The following KAZN variants were observed in gnomAD, a reference collection of about 807,000 sequenced individuals.
KAZN encodes kazrin.
Under a neutral mutation model 87.4 loss-of-function variants are expected in KAZN, and 40 were observed. The observed-to-expected ratio is 0.46, with a 90% CI of 0.36 to 0.60. KAZN has a LOEUF of 0.60. Ranked by LOEUF, KAZN falls within the 20% of genes least tolerant of loss-of-function variation. KAZN has a pLI of 0.00. For synonymous variants in KAZN, 466 were observed against 458.3 expected (o/e 1.02, Z -0.22); for missense variants, 898 against 1,073.9 (o/e 0.84, Z 2.29).
chr1:14,997,206 TTTA>T (rs1557699069), intron 2 of KAZN, among the ~76,000 whole-genome samples: 3,435 of 23,832 alleles, frequency 0.14, 133 homozygotes, highest in East Asian at 0.43. Flanking sequence ...CTTTCTTTCA[TTTA>T]TTTATTTATT....
intron 1 of KAZN, among the ~76,000 whole-genome samples, chr1:14,869,978 C>CG (rs977163367): frequency 5.3e-5 from 8 of 152,070 alleles, no homozygotes; most frequent in Non-Finnish European, 1.0e-4. Flanking sequence ...CCAAGGTATC[C>CG]GGGGAAAAAT....
rs982513353 is a variant in KAZN, at chr1:14,267,912, A to G, written c.249+87320A>G. Among the ~76,000 whole-genome samples, 5 of 152,334 alleles carry G rather than the reference A, an allele frequency of 3.3e-5. No homozygotes were observed. The East Asian group carries it at 9.6e-4, about 29-fold the overall frequency. ...GAGGCGGAGTTTGCAGTGAGCTGAG[A>G]TCATGCCACTGCACTTGGGCCTGGG... On this transcript the variant is annotated intron_variant, in intron 2 of 16. Transcript: ENST00000636203.
intron 1 of KAZN, among the ~76,000 whole-genome samples, chr1:13,925,804 A>C (rs1015874038): frequency 1.3e-5 from 2 of 152,228 alleles, no homozygotes; most frequent in African/African-American, 4.8e-5. Context: ...GGTTGGGAAG[A>C]GTGGGTGTGA....
intron 2 of KAZN, among the ~76,000 whole-genome samples, chr1:14,302,132 A>G (rs1388240200): frequency 1.3e-5 from 2 of 152,174 alleles, no homozygotes; most frequent in African/African-American, 2.4e-5. Context: ...ACCAATTTTT[A>G]TTGATAATAT....
chr1:14,449,206 G>A (rs979392851), intron 2 of KAZN, among the ~76,000 whole-genome samples: 1 of 152,166 alleles, frequency 6.6e-6, no homozygotes, highest in African/African-American at 2.4e-5. Context: ...ACCATGCCAT[G>A]AGGACTTAGT....
At chr1:15,063,432 T>C in intron 6 of KAZN, 140 bp from the exon 7 acceptor site, 1 of 709,020 alleles carries the variant, frequency 1.4e-6, no homozygotes, top group Non-Finnish European at 2.5e-6. Flanking sequence ...AGATGGGGGG[T>C]GGGCTCCCCA....
chr1:14,389,141 C>G (rs1423513762), intron 2 of KAZN, among the ~76,000 whole-genome samples: 1 of 152,122 alleles, frequency 6.6e-6, no homozygotes, highest in East Asian at 1.9e-4. Context: ...CAAATCAAAA[C>G]TACAATGAGG....
intron 1 of KAZN, among the ~76,000 whole-genome samples, chr1:14,628,399 T>C (rs1679308054): frequency 6.6e-6 from 1 of 152,230 alleles, no homozygotes; most frequent in African/African-American, 2.4e-5. Context: ...TTTAAAAATT[T>C]AGATAAAGCC....
At chr1:14,729,435 G>A (rs1426004274) in intron 1 of KAZN, among the ~76,000 whole-genome samples, 3 of 152,184 alleles carry the variant, frequency 2.0e-5, no homozygotes, top group Non-Finnish European at 2.9e-5. Flanking sequence ...GGTTCCATTC[G>A]ATGCTTTTAT....
intron 1 of KAZN, among the ~76,000 whole-genome samples, chr1:14,792,338 C>T (rs1056012864): frequency 1.3e-5 from 2 of 152,168 alleles, no homozygotes; most frequent in Non-Finnish European, 1.5e-5. Flanking sequence ...AAATGTCCAA[C>T]AACAGATGTA....
At chr1:14,151,118 A>G (rs888812294) in intron 1 of KAZN, among the ~76,000 whole-genome samples, 2 of 152,228 alleles carry the variant, frequency 1.3e-5, no homozygotes, top group African/African-American at 2.4e-5. Flanking sequence ...TTCACATGCT[A>G]TACCGTCTTC....
intron 2 of KAZN, among the ~76,000 whole-genome samples, chr1:14,573,449 C>A (rs956297148): frequency 6.6e-6 from 1 of 152,122 alleles, no homozygotes; most frequent in African/African-American, 2.4e-5. Flanking sequence ...GAGTTCGAAC[C>A]AGCCTGGCCA....
At position 14,893,525 on chromosome 1, in the gene KAZN, G is replaced by A. The variant is rs368497163; in HGVS notation, c.227-67159G>A. On this transcript the variant is annotated intron_variant, in intron 1 of 14. Transcript: ENST00000376030. ...AAGATGAGTGAGAGGAAGAGCGCTCGCTGAGACCCCCATCTTCCCTTCCTC... is the reference window on the plus strand; with the variant it reads ...AAGATGAGTGAGAGGAAGAGCGCTCACTGAGACCCCCATCTTCCCTTCCTC... Among the ~76,000 whole-genome samples, 10 of 151,588 alleles carry A rather than the reference G, an allele frequency of 6.6e-5. No homozygotes were observed. The East Asian group carries it at 1.4e-3, about 21-fold the overall frequency.
intron 2 of KAZN, among the ~76,000 whole-genome samples, chr1:15,030,524 G>C (rs1428260009): frequency 6.6e-6 from 1 of 152,166 alleles, no homozygotes; most frequent in Non-Finnish European, 1.5e-5. Context: ...GCCTCTCAAA[G>C]TGCTGGGATT....
intron 10 of KAZN, among the ~76,000 whole-genome samples, chr1:15,097,269 C>G (rs776870752): frequency 2.6e-5 from 4 of 152,170 alleles, no homozygotes; most frequent in Non-Finnish European, 5.9e-5. Flanking sequence ...GTGGGACTCT[C>G]TGGCCCACCC....
At chr1:14,090,499 C>T (rs1436005812) in intron 1 of KAZN, among the ~76,000 whole-genome samples, 2 of 151,842 alleles carry the variant, frequency 1.3e-5, no homozygotes, top group Admixed American at 1.3e-4. Context: ...TTATAGCTTC[C>T]ATTTCTCTCC....
intron 2 of KAZN, among the ~76,000 whole-genome samples, chr1:14,368,202 G>A (rs1345942338): frequency 5.9e-5 from 9 of 152,152 alleles, no homozygotes; most frequent in Admixed American, 5.9e-4. Flanking sequence ...GAAAACAGGA[G>A]CAGGGACAAG....
chr1:13,938,026 A>G (rs942432662), intron 1 of KAZN, among the ~76,000 whole-genome samples: 1 of 152,162 alleles, frequency 6.6e-6, no homozygotes, highest in South Asian at 2.1e-4. Context: ...TTTTGGTTCC[A>G]TGTGAATTTC....
In KAZN at chr1:14,909,968, G is replaced by A. The variant is rs1174704416; in HGVS notation, c.227-50716G>A. Among the ~76,000 whole-genome samples, 4 of 152,240 alleles carry A rather than the reference G, an allele frequency of 2.6e-5. 1 individual carries two copies. Among genetic ancestry groups the A allele is most frequent in the South Asian group, 4.1e-4 (2 of 4,828 alleles). On this transcript the variant is annotated intron_variant, in intron 1 of 14. Coordinates refer to ENST00000376030, the MANE Select transcript of KAZN (RefSeq NM_201628.3). ...CTCGGGAGGCTGAGACAAGAGAATC[G>A]CTTGCACCTGGGAGGCGGAGGTTAT...
Sources: allele counts gnomAD v4.1 joint callset (sites outside exome capture counted in the v4.1 genomes callset), GRCh38; gene constraint gnomAD v4.1.1; transcripts MANE v1.5; gene names NCBI Gene and HGNC (gene_info 2026-07-23, HGNC 2026-07-21).